TADA2A: variants seen among roughly 807,000 people sequenced by gnomAD.
The protein encoded by TADA2A is transcriptional adapter 2-alpha.
TADA2A carries 38 observed loss-of-function variants against 67.4 expected under a neutral mutation model. That is an observed-to-expected ratio of 0.56 (90% confidence interval 0.44 to 0.74). TADA2A has a LOEUF of 0.74. TADA2A is among the 30% of genes least tolerant of loss of function. The pLI is 0.00. For missense variants in TADA2A, 454 were observed against 547.0 expected (o/e 0.83, Z 1.70); for synonymous variants, 192 against 181.6 (o/e 1.06, Z -0.46).
chr17:37,416,031 G>A (rs960646915), intron 2 of TADA2A, among the ~76,000 whole-genome samples: 3 of 151,620 alleles, frequency 2.0e-5, no homozygotes, highest in Admixed American at 6.6e-5. Flanking sequence ...TTTTTCATAT[G>A]TTTAAGGCCA....
intron 7 of TADA2A, 114 bp downstream of exon 7, chr17:37,442,766 A>G (rs894976967): frequency 2.0e-6 from 2 of 999,736 alleles, no homozygotes. Context: ...TCAAGGCACT[A>G]TAATTTGTAG....
intron 4 of TADA2A, among the ~76,000 whole-genome samples, chr17:37,435,678 C>T (rs1169962794): frequency 6.6e-6 from 1 of 152,082 alleles, no homozygotes; most frequent in East Asian, 1.9e-4. Context: ...CTCCCGGGTT[C>T]AAGCGATCCT....
At chr17:37,461,211 A>G (rs1197688532) in intron 9 of TADA2A, among the ~76,000 whole-genome samples, 1 of 152,040 alleles carries the variant, frequency 6.6e-6, no homozygotes, top group African/African-American at 2.4e-5. Context: ...GCAGTTCACA[A>G]TAGGGATCGC....
intron 8 of TADA2A, chr17:37,454,813 T>G (rs2053340662): frequency 4.2e-6 from 1 of 237,338 alleles, no homozygotes; most frequent in Non-Finnish European, 9.2e-6. Flanking sequence ...GCAGGGCTGC[T>G]AAGGAAGCAA....
At chr17:37,427,546 T>C (rs1235344032) in intron 4 of TADA2A, among the ~76,000 whole-genome samples, 1 of 152,202 alleles carries the variant, frequency 6.6e-6, no homozygotes, top group Non-Finnish European at 1.5e-5. Context: ...AACTTGGCTA[T>C]AGCTTAATTG....
intron 13 of TADA2A, 41 bp downstream of exon 13, chr17:37,470,573 G>C: frequency 6.7e-7 from 1 of 1,481,896 alleles, no homozygotes; most frequent in South Asian, 1.4e-5. Context: ...TTCTTTCTGG[G>C]ATGCCTTGGC....
At chr17:37,464,068 G>A (rs1171857791) in intron 10 of TADA2A, among the ~76,000 whole-genome samples, 1 of 152,138 alleles carries the variant, frequency 6.6e-6, no homozygotes, top group Admixed American at 6.5e-5. Flanking sequence ...AACGACCCAA[G>A]TAGCAGTTCG....
intron 9 of TADA2A, among the ~76,000 whole-genome samples, chr17:37,460,238 T>A (rs1263749216): frequency 2.0e-5 from 3 of 150,852 alleles, no homozygotes; most frequent in Admixed American, 6.6e-5. Context: ...ATTTTATTTT[T>A]ATTTTTTATT....
intron 2 of TADA2A, among the ~76,000 whole-genome samples, chr17:37,413,063 A>G (rs1354174355): frequency 6.6e-6 from 1 of 151,828 alleles, no homozygotes; most frequent in Non-Finnish European, 1.5e-5. Context: ...AGTAGCTGGG[A>G]GTATAGGCGT....
chr17:37,444,874 A>G (rs1444351705), intron 8 of TADA2A, 106 bp downstream of exon 8: 7 of 1,042,698 alleles, frequency 6.7e-6, no homozygotes, highest in Non-Finnish European at 1.0e-5. Flanking sequence ...CTGCCCTTAT[A>G]GAATTCAGAA....
chr17:37,436,890 C>T (rs1467195212), intron 4 of TADA2A, among the ~76,000 whole-genome samples: 1 of 151,138 alleles, frequency 6.6e-6, no homozygotes, highest in African/African-American at 2.4e-5. Context: ...TTATCTCTAC[C>T]TCTGTGTTAA....
At chr17:37,465,662 C>T in intron 11 of TADA2A, 121 bp downstream of exon 11, 1 of 1,515,786 alleles carries the variant, frequency 6.6e-7, no homozygotes, top group Non-Finnish European at 8.9e-7. Flanking sequence ...TCTCTTTGTT[C>T]CCCTTTATTA....
At chr17:37,423,097 G>A (rs2052295061) in intron 2 of TADA2A, among the ~76,000 whole-genome samples, 1 of 152,150 alleles carries the variant, frequency 6.6e-6, no homozygotes, top group Admixed American at 6.6e-5. Context: ...CAGGTGTGGT[G>A]GCATGTGCCT....
At chr17:37,470,955 C>G in intron 13 of TADA2A, 139 bp from the exon 14 acceptor site, 8 of 804,810 alleles carry the variant, frequency 9.9e-6, no homozygotes. Flanking sequence ...AGTGAGATAT[C>G]TGTAAAACAT....
chr17:37,428,413 C>G (rs116281520), intron 4 of TADA2A, among the ~76,000 whole-genome samples: 228 of 152,306 alleles, frequency 1.5e-3, no homozygotes, highest in African/African-American at 5.3e-3. Context: ...AGGGCATGTT[C>G]TCCGTTTCCA....
At chr17:37,456,975 A>G (rs1022234068) in intron 8 of TADA2A, among the ~76,000 whole-genome samples, 3 of 152,102 alleles carry the variant, frequency 2.0e-5, no homozygotes, top group Non-Finnish European at 4.4e-5. Flanking sequence ...GTCCCAGGAA[A>G]CCAAGCAGGG....
intron 7 of TADA2A, among the ~76,000 whole-genome samples, chr17:37,443,254 C>CTT (rs965371949): frequency 9.2e-5 from 13 of 141,454 alleles, no homozygotes; most frequent in Non-Finnish European, 1.7e-4. Flanking sequence ...TAGTCTGGTT[C>CTT]TTTTTTTTTT....
At chr17:37,471,855 A>G (rs1162727726) in intron 14 of TADA2A, among the ~76,000 whole-genome samples, 1 of 152,202 alleles carries the variant, frequency 6.6e-6, no homozygotes, top group South Asian at 2.1e-4. Context: ...GTTACTTGCC[A>G]GAAACATAAG....
At position 37,477,047 on chromosome 17, in the gene TADA2A, GT is replaced by G; in HGVS notation, c.*66del. 2 of 1,491,392 alleles carry G rather than the reference GT, an allele frequency of 1.3e-6. No individual in the cohort carries two copies. The highest frequency in any genetic ancestry group is 1.8e-6 in the Non-Finnish European group (2 of 1,103,560). 92.4% of individuals were successfully genotyped at this position (1,491,392 alleles called of 1,614,324 possible). ...TGTGGTGGGTCAAAGGACAATATGG[GT>G]GGGCATTCTGGAGAGTTGTTTTTCA... On this transcript the variant is annotated 3_prime_UTR_variant, in exon 16 of 16. Transcript: ENST00000615182.
Sources: gnomAD v4.1 joint callset for allele counts (sites outside exome capture counted in the v4.1 genomes callset) on GRCh38, gnomAD v4.1.1 for gene constraint, MANE v1.5 for transcripts, NCBI Gene and HGNC (gene_info 2026-07-23, HGNC 2026-07-21) for gene names.